The following PIGF variants were observed in gnomAD, a reference collection of about 807,000 sequenced individuals.
PIGF encodes phosphatidylinositol glycan anchor biosynthesis class F, also known as GPI ethanolamine phosphate transferase, stabilizing subunit.
A neutral mutation model predicts 26.0 loss-of-function variants in PIGF; 23 were observed. The observed-to-expected ratio is 0.88, with a 90% CI of 0.64 to 1.25. The LOEUF is 1.25. Among genes scored for constraint, PIGF ranks in the 50% most tolerant of loss-of-function variants. PIGF has a pLI of 0.00. For synonymous variants in PIGF, 93 were observed against 92.6 expected, an observed-to-expected ratio of 1.00 and a Z score of -0.03; for missense variants, 278 against 249.9, an observed-to-expected ratio of 1.11 and a Z score of -0.76.
At chr2:46,584,805 T>G (rs1669516041) in intron 5 of PIGF, among the ~76,000 whole-genome samples, 1 of 152,222 alleles carries the variant, frequency 6.6e-6, no homozygotes, top group African/African-American at 2.4e-5. Flanking sequence ...GCCGTTTTCA[T>G]GATTTTTGAA....
chr2:46,613,275 C>T (rs1670485373), intron 3 of PIGF, among the ~76,000 whole-genome samples: 1 of 152,072 alleles, frequency 6.6e-6, no homozygotes, highest in Non-Finnish European at 1.5e-5. Context: ...TAAACACCAG[C>T]TTATTCAGTA....
In PIGF at chr2:46,581,079, C is replaced by T. The variant is rs141544914; in HGVS notation, c.*399G>A. 18 of 1,526,116 alleles carry T rather than the reference C, an allele frequency of 1.2e-5. No individual in the cohort carries two copies. The highest frequency in any genetic ancestry group is 2.8e-5 in the African/African-American group (2 of 71,324). The allele number at this position is 1,526,116 out of a possible 1,614,324, so 94.5% of individuals were successfully genotyped here. On this transcript the variant is annotated 3_prime_UTR_variant, in exon 6 of 6. Transcript: ENST00000281382. ...AGATGTATAAACTGTTGTTTAATTA[C>T]GTGAGAAACATCTTCAGTGGCCAAG...
rs1558700491 is a variant in PIGF, at chr2:46,589,965, A to G, written c.546+2510T>C. Among the ~76,000 whole-genome samples the G allele has an allele frequency of 6.6e-6, 1 of 152,104 alleles. No homozygotes were observed. On this transcript the variant is annotated intron_variant, in intron 5 of 5. Transcript: ENST00000281382. The surrounding 1 kb of genome is among the most constrained non-coding windows in gnomAD (Gnocchi z 4.7). ...GTGCTATATGAATAAAAGATTTTTA[A>G]TTATACATCAATTCTATCATTCCCT...
chr2:46,584,923 A>AC (rs1232032289), intron 5 of PIGF, among the ~76,000 whole-genome samples: 1 of 152,166 alleles, frequency 6.6e-6, no homozygotes, highest in Non-Finnish European at 1.5e-5. Flanking sequence ...TTATTCTAAA[A>AC]ATTTTTAAAC....
intron 5 of PIGF, 58 bp from the exon 6 acceptor site, chr2:46,581,649 C>T (rs1669380832): frequency 6.4e-7 from 1 of 1,562,940 alleles, no homozygotes; most frequent in East Asian, 2.4e-5. Flanking sequence ...TACTTGAGCA[C>T]AAGTGTAACC....
intron 1 of PIGF, chr2:46,616,029 T>C (rs573490528): frequency 1.4e-5 from 2 of 140,474 alleles, no homozygotes; most frequent in African/African-American, 5.7e-5. Flanking sequence ...GAAAAAAAAA[T>C]ACTATACACA....
In PIGF at chr2:46,592,496, C is replaced by T; in HGVS notation, c.525G>A (p.Leu175=). ...GAWLGALPIP[L]DWERPWQVWP... is the part of the protein sequence containing the mutation. Reference sequence around the variant, plus strand: ...CAACCTGCCATGGTCTTTCCCAATCCAGTGGAATAGGAAGTGCTCCAAGCC... The same window carrying T: ...CAACCTGCCATGGTCTTTCCCAATCTAGTGGAATAGGAAGTGCTCCAAGCC... Residue 175 remains leucine, a synonymous_variant, in exon 5 of 6, where the codon CTG becomes CTA. Transcript: ENST00000281382. 6.3e-7 allele frequency: 1 copy of T among 1,599,024 alleles called. No homozygotes were observed. The highest frequency in any genetic ancestry group is 8.6e-7 in the Non-Finnish European group (1 of 1,166,190).
chr2:46,606,071 T>C (rs962149805), intron 4 of PIGF, among the ~76,000 whole-genome samples: 2 of 152,162 alleles, frequency 1.3e-5, no homozygotes, highest in African/African-American at 4.8e-5. Context: ...ATCAGAGAAA[T>C]CTAGCAATTT....
At chr2:46,597,138 G>A (rs374386224) in intron 4 of PIGF, among the ~76,000 whole-genome samples, 2 of 152,214 alleles carry the variant, frequency 1.3e-5, no homozygotes, top group African/African-American at 4.8e-5. Flanking sequence ...GTCCCTGCAC[G>A]AGCATCTTGT....
intron 4 of PIGF, among the ~76,000 whole-genome samples, chr2:46,611,298 G>C (rs569129830): frequency 6.6e-6 from 1 of 152,084 alleles, no homozygotes; most frequent in Non-Finnish European, 1.5e-5. Context: ...ATCCTGGCCA[G>C]TGTGGTGAAA....
intron 4 of PIGF, among the ~76,000 whole-genome samples, chr2:46,604,284 C>T (rs1464979388): frequency 1.3e-5 from 2 of 151,976 alleles, no homozygotes; most frequent in Middle Eastern, 3.4e-3. Context: ...ATCAGTACAA[C>T]CATTATGGAG....
At chr2:46,592,113 A>G (rs1217055297) in intron 5 of PIGF, among the ~76,000 whole-genome samples, 2 of 152,146 alleles carry the variant, frequency 1.3e-5, no homozygotes, top group African/African-American at 4.8e-5. Context: ...GCCACTTGGG[A>G]GGCTGAAGCA....
At chr2:46,596,206 C>T (rs575988005) in intron 4 of PIGF, among the ~76,000 whole-genome samples, 18 of 145,180 alleles carry the variant, frequency 1.2e-4, no homozygotes, top group African/African-American at 4.6e-4. Context: ...GAGCGAGACC[C>T]CATCTCAAAA....
chr2:46,594,755 C>T (rs181357988), intron 4 of PIGF, among the ~76,000 whole-genome samples: 11 of 151,350 alleles, frequency 7.3e-5, no homozygotes, highest in African/African-American at 1.7e-4. Flanking sequence ...AGGCTGGTCT[C>T]GAACTCCTGA....
At chr2:46,613,560 T>C (rs1337442977) in intron 3 of PIGF, 134 bp downstream of exon 3, 8 of 607,774 alleles carry the variant, frequency 1.3e-5, no homozygotes, top group African/African-American at 1.9e-5. Flanking sequence ...ATAACACTGC[T>C]AATGATGTTG....
chr2:46,613,981 G>C, intron 2 of PIGF, 196 bp from the exon 3 acceptor site: 1 of 488,646 alleles, frequency 2.0e-6, no homozygotes, highest in South Asian at 2.8e-5. Context: ...AAGCCTAAAA[G>C]GCAAATACCA....
At chr2:46,594,848 T>TG (rs1553425199) in intron 4 of PIGF, among the ~76,000 whole-genome samples, 2,237 of 150,336 alleles carry the variant, frequency 0.015, 43 homozygotes, top group African/African-American at 0.043. Context: ...CCGTTTTTTT[T>TG]TTTGTTTGTT....
intron 4 of PIGF, among the ~76,000 whole-genome samples, chr2:46,599,375 C>A (rs1669988406): frequency 6.6e-6 from 1 of 152,154 alleles, no homozygotes; most frequent in Non-Finnish European, 1.5e-5. Context: ...TGTCTTCTAT[C>A]ACATCTTTGA....
chr2:46,601,983 ATG>A (rs1670073529), intron 4 of PIGF, among the ~76,000 whole-genome samples: 1 of 151,988 alleles, frequency 6.6e-6, no homozygotes, highest in Admixed American at 6.6e-5. Flanking sequence ...AATGAACTAT[ATG>A]GGTGTATAGT....
Sources: allele counts gnomAD v4.1 joint callset (sites outside exome capture counted in the v4.1 genomes callset), GRCh38; gene constraint gnomAD v4.1.1; non-coding constraint Gnocchi (gnomAD v3.1); transcripts MANE v1.5; gene names NCBI Gene and HGNC (gene_info 2026-07-23, HGNC 2026-07-21).